Variants in TP53AIP1 observed in about 807,000 individuals in gnomAD.
TP53AIP1 encodes tumor protein p53 regulated apoptosis inducing protein 1, also known as p53-regulated apoptosis-inducing protein 1.
A neutral mutation model predicts 9.5 loss-of-function variants in TP53AIP1; 14 were observed. The ratio of observed to expected loss-of-function variants is 1.47; its 90% CI spans 0.97 to 2.30. TP53AIP1 has a LOEUF of 2.30. TP53AIP1 is among the 30% of genes most tolerant of loss of function. The pLI is 0.00. For missense variants in TP53AIP1, 153 were observed against 146.7 expected, an observed-to-expected ratio of 1.04 and a Z score of -0.22; for synonymous variants, 73 against 61.2, an observed-to-expected ratio of 1.19 and a Z score of -0.90.
rs1944831574 is a variant in TP53AIP1 at position 128,936,701 on chromosome 11, T to C, written c.142-52A>G. 7 of 1,520,506 alleles carry C rather than the reference T, an allele frequency of 4.6e-6. No individual in the cohort carries two copies. The East Asian group carries it at 1.5e-4, about 32-fold the overall frequency. 94.2% of individuals were successfully genotyped at this position (1,520,506 alleles called of 1,614,324 possible). On this transcript the variant is annotated intron_variant, in intron 2 of 3. Coordinates refer to ENST00000531399, the MANE Select transcript of TP53AIP1 (RefSeq NM_022112.3). ...AGGCCCTGCAGCGCCGTCTCTTGGA[T>C]GGTTTATTCTTCTCTGGCAGGTTTT...
Position 128,937,220 on chromosome 11 carries a change from TG to T in TP53AIP1, c.141+457del. 1 of 1,222,316 alleles carries T rather than the reference TG, an allele frequency of 8.2e-7. No individual in the cohort carries two copies. Among genetic ancestry groups the T allele is most frequent in the East Asian group, 3.6e-5 (1 of 27,548 alleles). The allele number at this position is 1,222,316 out of a possible 1,614,324, so 75.7% of individuals were successfully genotyped here. A position where few individuals can be genotyped will look rare whatever the true frequency, so the allele number is the denominator to read the frequency against. ...GAAACGACTTCTTGGAGTAAGTGAC[TG>T]GTGCTCCGAGGCCCATCTGGACAAA... On this transcript the variant is annotated intron_variant, in intron 2 of 3. Transcript: ENST00000531399. The surrounding 1 kb of genome is among the most constrained non-coding windows in gnomAD (Gnocchi z 4.8).
Position 128,937,923 on chromosome 11 carries a change from A to G in TP53AIP1, c.-76-29T>C. The G allele has an allele frequency of 2.4e-6, 3 of 1,244,582 alleles. No individual in the cohort carries two copies. Among genetic ancestry groups the G allele is most frequent in the Non-Finnish European group, 3.3e-6 (3 of 910,532 alleles). The allele number at this position is 1,244,582 out of a possible 1,614,324, so 77.1% of individuals were successfully genotyped here. A position where few individuals can be genotyped will look rare whatever the true frequency, so the allele number is the denominator to read the frequency against. ...AAAACAAACAAAACAGGCTATGAAC[A>G]GAAGCAGTGGTGGCAGCGCTGGGCC... On this transcript the variant is annotated intron_variant, in intron 1 of 3. Coordinates refer to ENST00000531399, the MANE Select transcript of TP53AIP1 (RefSeq NM_022112.3). This position sits in a 1 kb window ranked among gnomAD's most constrained non-coding sequence, Gnocchi z 4.8.
downstream of TP53AIP1, chr11:128,934,880 A>G (rs1944779208): frequency 1.5e-6 from 1 of 646,584 alleles, no homozygotes; most frequent in East Asian, 2.8e-5. Context: ...GGATCCTCGG[A>G]AGTGTCATGT....
At chr11:128,936,048 G>A in intron 3 of TP53AIP1, 1 of 781,712 alleles carries the variant, frequency 1.3e-6, no homozygotes, top group Non-Finnish European at 1.6e-6. Flanking sequence ...TCTGTGAGAT[G>A]GAAGCTATTA....
intron 2 of TP53AIP1, chr11:128,936,869 A>T: frequency 7.4e-7 from 1 of 1,356,002 alleles, no homozygotes; most frequent in Non-Finnish European, 9.5e-7. Context: ...TTAGAGACAA[A>T]GACAGAGACA....
At chr11:128,941,498 G>A (rs769704526) in intron 1 of TP53AIP1, among the ~76,000 whole-genome samples, 11 of 152,296 alleles carry the variant, frequency 7.2e-5, no homozygotes, top group African/African-American at 1.4e-4. Context: ...AGCCCCCAAC[G>A]CACCTTTCAT....
In TP53AIP1 at chr11:128,935,724, G is replaced by A. The variant is rs1353897255; in HGVS notation, c.254-12C>T. 2.6e-6 allele frequency: 4 copies of A among 1,550,676 alleles called. No homozygotes were observed. Among genetic ancestry groups the A allele is most frequent in the South Asian group, 1.2e-5 (1 of 83,304 alleles). ...ACCTAGACCAAGGCCTCAGTAGGGAGGGAGAGAATTTACTCTTTGCAAAAC... is the reference window on the plus strand; with the variant it reads ...ACCTAGACCAAGGCCTCAGTAGGGAAGGAGAGAATTTACTCTTTGCAAAAC... On this transcript the variant is annotated splice_polypyrimidine_tract_variant and intron_variant, in intron 3 of 3. Transcript: ENST00000531399.
Position 128,938,114 on chromosome 11 carries a change from G to A in TP53AIP1, c.-76-220C>T, listed in dbSNP as rs560935124. Among the ~76,000 whole-genome samples the A allele has an allele frequency of 3.9e-5, 6 of 152,188 alleles. No homozygotes were observed. In the South Asian group the frequency reaches 1.0e-3, roughly 26 times the overall value. On this transcript the variant is annotated intron_variant, in intron 1 of 3. Coordinates refer to ENST00000531399, the MANE Select transcript of TP53AIP1 (RefSeq NM_022112.3). ...GTGCTGAATTTGGGGAAAGGGGGTG[G>A]GATGATGGAGTTAGGAGCGTTGTCG...
At chr11:128,935,026 C>A, downstream of TP53AIP1, 1 of 703,122 alleles carries the variant, frequency 1.4e-6, no homozygotes, top group Non-Finnish European at 2.6e-6. Context: ...GCACACAGGC[C>A]AGGCAAGCTC....
intron 1 of TP53AIP1, among the ~76,000 whole-genome samples, chr11:128,941,969 T>C (rs1944954352): frequency 1.3e-5 from 2 of 152,300 alleles, no homozygotes; most frequent in Admixed American, 6.5e-5. Flanking sequence ...CCCCGCCCCA[T>C]GCCCTGTCTG....
chr11:128,936,965 G>A (rs1001455446), intron 2 of TP53AIP1: 1 of 1,137,036 alleles, frequency 8.8e-7, no homozygotes, highest in African/African-American at 1.6e-5. Flanking sequence ...CAGCACACCT[G>A]GGCCCTGCAC....
At chr11:128,941,022 A>G (rs1944929590) in intron 1 of TP53AIP1, among the ~76,000 whole-genome samples, 1 of 129,078 alleles carries the variant, frequency 7.7e-6, no homozygotes, top group African/African-American at 2.7e-5. Flanking sequence ...GGACAGAGCT[A>G]GGAGAAGGGA....
At chr11:128,935,799 A>C in intron 3 of TP53AIP1, 87 bp from the exon 4 acceptor site, 4 of 1,391,310 alleles carry the variant, frequency 2.9e-6, no homozygotes, top group Non-Finnish European at 3.7e-6. Flanking sequence ...ACCAGGGATA[A>C]AAACAACAAT....
intron 1 of TP53AIP1, among the ~76,000 whole-genome samples, chr11:128,940,599 A>T (rs1944922038): frequency 6.6e-6 from 1 of 152,212 alleles, no homozygotes; most frequent in African/African-American, 2.4e-5. Flanking sequence ...GACTGGAGCC[A>T]TCACCAGGCA....
chr11:128,937,035 C>A lies in TP53AIP1; in HGVS notation c.142-386G>T. The A allele has an allele frequency of 1.9e-6, 2 of 1,053,980 alleles. No homozygotes were observed. The highest frequency in any genetic ancestry group is 7.4e-5 in the South Asian group (2 of 27,094). 65.3% of individuals were successfully genotyped at this position (1,053,980 alleles called of 1,614,324 possible). A position where few individuals can be genotyped will look rare whatever the true frequency, so the allele number is the denominator to read the frequency against. ...GTGTGGGCCTCCAGGGAGGTGTAGG[C>A]GCTCCTGGCTCCTGGCAGACTCCTG... On this transcript the variant is annotated intron_variant, in intron 2 of 3. Coordinates refer to ENST00000531399, the MANE Select transcript of TP53AIP1 (RefSeq NM_022112.3). The surrounding 1 kb of genome is among the most constrained non-coding windows in gnomAD (Gnocchi z 4.8).
At chr11:128,934,867 T>A, downstream of TP53AIP1, 1 of 628,796 alleles carries the variant, frequency 1.6e-6, no homozygotes, top group Non-Finnish European at 2.9e-6. Flanking sequence ...TCATGCCCAC[T>A]GGGGATCCTC....
chr11:128,941,595 G>A (rs2136028800), intron 1 of TP53AIP1, among the ~76,000 whole-genome samples: 1 of 152,336 alleles, frequency 6.6e-6, no homozygotes, highest in African/African-American at 2.4e-5. Context: ...GCAGAGGCAG[G>A]GGCCTCTCCC....
rs183123875 is a variant in TP53AIP1, at chr11:128,937,443, C to T, written c.141+235G>A. 5.7e-5 allele frequency: 85 copies of T among 1,489,166 alleles called. No individual in the cohort carries two copies. The highest frequency in any genetic ancestry group is 2.7e-4 in the South Asian group (19 of 71,658). 92.2% of individuals were successfully genotyped at this position (1,489,166 alleles called of 1,614,324 possible). On this transcript the variant is annotated intron_variant, in intron 2 of 3. Transcript: ENST00000531399. This position sits in a 1 kb window ranked among gnomAD's most constrained non-coding sequence, Gnocchi z 4.8. ...TCTGCCTCCTAGAAACCCAGGATTC[C>T]GAGGAGGAGGAGGGCTGGCCTTCCT... is the stretch of plus-strand genomic sequence containing the variant.
Position 128,937,555 on chromosome 11 carries a change from A to G in TP53AIP1, c.141+123T>C. 6.2e-7 allele frequency: 1 copy of G among 1,614,050 alleles called. No homozygotes were observed. The highest frequency in any genetic ancestry group is 8.5e-7 in the Non-Finnish European group (1 of 1,180,010). On this transcript the variant is annotated intron_variant, in intron 2 of 3. Transcript: ENST00000531399. The surrounding 1 kb of genome is among the most constrained non-coding windows in gnomAD (Gnocchi z 4.8). ...AGTCCGCATGCAGCTCTGAGGACCC[A>G]GATGCTGTCACTGGGTCCTGGTGAG...
Sources: allele counts gnomAD v4.1 joint callset (sites outside exome capture counted in the v4.1 genomes callset), GRCh38; gene constraint gnomAD v4.1.1; non-coding constraint Gnocchi (gnomAD v3.1); transcripts MANE v1.5; gene names NCBI Gene and HGNC (gene_info 2026-07-23, HGNC 2026-07-21).